SULT1C4: variants seen among roughly 807,000 people sequenced by gnomAD.
SULT1C4 encodes the protein sulfotransferase 1C4.
SULT1C4 carries 32 observed loss-of-function variants against 34.8 expected under a neutral mutation model. The observed-to-expected ratio is 0.92, with a 90% CI of 0.69 to 1.23. The LOEUF is 1.23. SULT1C4 is among the 50% of genes most tolerant of loss of function. The pLI, the probability that SULT1C4 is intolerant of heterozygous loss-of-function variation, is 0.00. For missense variants in SULT1C4, 375 were observed against 365.9 expected (o/e 1.02, Z -0.20); for synonymous variants, 111 against 120.5 (o/e 0.92, Z 0.51).
intron 5 of SULT1C4, 33 bp downstream of exon 5, chr2:108,383,543 G>C (rs1678485062): frequency 2.5e-6 from 4 of 1,585,674 alleles, no homozygotes; most frequent in Non-Finnish European, 3.4e-6. Flanking sequence ...TGTACCCACT[G>C]GACCATAAAA....
In SULT1C4 at chr2:108,382,417, C is replaced by G. The variant is rs760801583; in HGVS notation, c.328C>G (p.Arg110Gly). The change falls in exon 3 of 7, where the codon CGG becomes GGG. Residue 110 changes from arginine to glycine, a missense_variant. Arg to Gly is a moderately radical substitution (Grantham distance 125, BLOSUM62 -2). Transcript: ENST00000272452. The part of the protein sequence containing the change: ...LEQAHAMPSP[R>G]ILKTHLPFHL... ...ACAAGCTCATGCAATGCCCTCACCACGGATCCTGAAAACACATCTTCCCTT... is the reference window on the plus strand; with the variant it reads ...ACAAGCTCATGCAATGCCCTCACCAGGGATCCTGAAAACACATCTTCCCTT... 1.2e-6 allele frequency: 2 copies of G among 1,614,058 alleles called. No homozygotes were observed. Among genetic ancestry groups the G allele is most frequent in the Middle Eastern group, 1.6e-4 (1 of 6,062 alleles).
chr2:108,383,931 C>T (rs1678499573), intron 5 of SULT1C4, among the ~76,000 whole-genome samples: 1 of 151,126 alleles, frequency 6.6e-6, no homozygotes, highest in African/African-American at 2.5e-5. Flanking sequence ...TGCAATGGTG[C>T]GATCTCAAGT....
intron 5 of SULT1C4, among the ~76,000 whole-genome samples, chr2:108,384,586 A>T (rs1678520642): frequency 2.0e-5 from 3 of 152,240 alleles, no homozygotes; most frequent in Admixed American, 1.3e-4. Flanking sequence ...TTTAGATTCA[A>T]AATTATTGAA....
chr2:108,382,254 C>G, intron 2 of SULT1C4, 131 bp from the exon 3 acceptor site: 2 of 767,424 alleles, frequency 2.6e-6, no homozygotes, highest in Non-Finnish European at 4.5e-6. Context: ...CGTATTCTCT[C>G]ACACCAGATC....
At chr2:108,380,183 A>T (rs1463520902) in intron 1 of SULT1C4, among the ~76,000 whole-genome samples, 1 of 152,234 alleles carries the variant, frequency 6.6e-6, no homozygotes, top group East Asian at 1.9e-4. Flanking sequence ...AGTTTCGGCC[A>T]GATAATACAG....
In SULT1C4 at chr2:108,388,684, C is replaced by A. The variant is rs1678632246; in HGVS notation, c.*1252C>A. On this transcript the variant is annotated 3_prime_UTR_variant, in exon 7 of 7. Transcript: ENST00000272452. ...TCAAGAGCAGCTATAACCATAATGA[C>A]TCCAGCCTTCACACTTCCAGCTTCA... is the stretch of plus-strand genomic sequence containing the variant. Among the ~76,000 whole-genome samples the A allele has an allele frequency of 6.6e-6, 1 of 152,188 alleles. No individual in the cohort carries two copies. The highest frequency in any genetic ancestry group is 1.5e-5 in the Non-Finnish European group (1 of 68,034).
chr2:108,381,716 G>T (rs781421769), intron 1 of SULT1C4, 46 bp from the exon 2 acceptor site: 1 of 1,339,466 alleles, frequency 7.5e-7, no homozygotes, highest in Non-Finnish European at 9.6e-7. Flanking sequence ...TTTAAGGAAT[G>T]TACTATACTA....
Position 108,381,888 on chromosome 2 carries a change from GT to G in SULT1C4, c.295+2del. 6.7e-7 allele frequency: 1 copy of G among 1,483,340 alleles called. No homozygotes were observed. The allele number at this position is 1,483,340 out of a possible 1,614,324, so 91.9% of individuals were successfully genotyped here. A position where few individuals can be genotyped will look rare whatever the true frequency, so the allele number is the denominator to read the frequency against. ...ATGAAAATCCCATCCTTAGGATCTG[GT>G]GAGTATAAATAGCCACACTTCACTA... On this transcript the variant is annotated splice_donor_variant, in intron 2 of 6. Coordinates refer to ENST00000272452, the MANE Select transcript of SULT1C4 (RefSeq NM_006588.4). LOFTEE classifies it high-confidence loss of function.
At chr2:108,378,826 T>C (rs1678315096) in intron 1 of SULT1C4, among the ~76,000 whole-genome samples, 1 of 151,946 alleles carries the variant, frequency 6.6e-6, no homozygotes, top group Non-Finnish European at 1.5e-5. Context: ...GCCCTTATTG[T>C]AGATCTTGTA....
At position 108,378,243 on chromosome 2, in the gene SULT1C4, T is replaced by C. The variant is rs1456619194; in HGVS notation, c.-95T>C. On this transcript the variant is annotated 5_prime_UTR_variant, in exon 1 of 7. Coordinates refer to ENST00000272452, the MANE Select transcript of SULT1C4 (RefSeq NM_006588.4). ...GCTAGAGGGCTGGATAGTGTGGTAGTGTGGTGGATAGAGTGCTGCCTCTAT... is the reference window on the plus strand; with the variant it reads ...GCTAGAGGGCTGGATAGTGTGGTAGCGTGGTGGATAGAGTGCTGCCTCTAT... 1 of 1,212,614 alleles carries C rather than the reference T, an allele frequency of 8.2e-7. No homozygotes were observed. The highest frequency in any genetic ancestry group is 1.5e-5 in the African/African-American group (1 of 64,550). The allele number at this position is 1,212,614 out of a possible 1,614,324, so 75.1% of individuals were successfully genotyped here.
rs752596847 is a variant in SULT1C4 at position 108,382,433 on chromosome 2, A to G, written c.344A>G (p.His115Arg). The change falls in exon 3 of 7, where the codon CAT becomes CGT. Residue 115 changes from histidine to arginine, a missense_variant. His to Arg is a conservative substitution (Grantham distance 29). Transcript: ENST00000272452. ...AMPSPRILKT[H>R]LPFHLLPPSL... The stretch of plus-strand genomic sequence containing the variant: ...CCCTCACCACGGATCCTGAAAACAC[A>G]TCTTCCCTTTCACTTGCTGCCACCA... 6.2e-7 allele frequency: 1 copy of G among 1,614,094 alleles called. No individual in the cohort carries two copies. The highest frequency in any genetic ancestry group is 8.5e-7 in the Non-Finnish European group (1 of 1,180,006).
Position 108,382,412 on chromosome 2 carries a change from C to A in SULT1C4, c.323C>A (p.Ser108Ter). The A allele has an allele frequency of 1.2e-6, 2 of 1,614,062 alleles. No individual in the cohort carries two copies. The highest frequency in any genetic ancestry group is 1.7e-6 in the Non-Finnish European group (2 of 1,179,972). Reference sequence around the variant, plus strand: ...TTGGAACAAGCTCATGCAATGCCCTCACCACGGATCCTGAAAACACATCTT... The same window carrying A: ...TTGGAACAAGCTCATGCAATGCCCTAACCACGGATCCTGAAAACACATCTT... ...SGLEQAHAMP[S>*]PRILKTHLPF... Residue 108 changes from serine (S) to a stop codon, truncating the protein, a stop_gained, in exon 3 of 7, where the codon TCA becomes TAA. Transcript: ENST00000272452. LOFTEE classifies it high-confidence loss of function.
At position 108,383,211 on chromosome 2, in the gene SULT1C4, C is replaced by T. The variant is rs1324224743; in HGVS notation, c.512C>T (p.Ala171Val). The T allele has an allele frequency of 2.5e-6, 4 of 1,608,872 alleles. No homozygotes were observed. The highest frequency in any genetic ancestry group is 3.4e-6 in the Non-Finnish European group (4 of 1,178,890). ...TWEEYFETFL[A>V]GKVCWGSWHE... ...GAAGAGTATTTTGAGACTTTTCTGG[C>T]TGGGAAAGGTGAGAGAATTTAGCTT... is the stretch of plus-strand genomic sequence containing the variant. Residue 171 changes from alanine to valine, a missense_variant, in exon 4 of 7, where the codon GCT (alanine) becomes GTT (valine). Physicochemically the swap from Ala to Val is moderately conservative, Grantham distance 64 (BLOSUM62 0). Transcript: ENST00000272452.
At chr2:108,382,150 G>C (rs746918968) in intron 2 of SULT1C4, 100 of 570,634 alleles carry the variant, frequency 1.8e-4, no homozygotes, top group Non-Finnish European at 2.6e-4. Flanking sequence ...AGATAATCCT[G>C]GTGAAAGGGT....
At chr2:108,378,706 A>G (rs954655303) in intron 1 of SULT1C4, among the ~76,000 whole-genome samples, 200 bp downstream of exon 1, 2 of 150,126 alleles carry the variant, frequency 1.3e-5, no homozygotes, top group Non-Finnish European at 3.0e-5. Flanking sequence ...CAATCTTCCT[A>G]TGATACTATG....
rs1305324622 is a variant in SULT1C4, at chr2:108,378,526, G to T, written c.169+20G>T. 2 of 1,610,516 alleles carry T rather than the reference G, an allele frequency of 1.2e-6. No individual in the cohort carries two copies. Among genetic ancestry groups the T allele is most frequent in the African/African-American group, 2.7e-5 (2 of 74,750 alleles). The stretch of plus-strand genomic sequence containing the variant: ...AAGCAGGTAGGTGGAAGGGCTTGCA[G>T]GGGAAGGGGAAGAGGAGAGTTAGGA... On this transcript the variant is annotated intron_variant, in intron 1 of 6. Transcript: ENST00000272452.
In SULT1C4 at chr2:108,378,453, G is replaced by C; in HGVS notation, c.116G>C (p.Trp39Ser). The change falls in exon 1 of 7, where the codon TGG becomes TCG. Residue 39 changes from tryptophan to serine, a missense_variant. Trp to Ser is a radical substitution (Grantham distance 177, BLOSUM62 -3). Transcript: ENST00000272452. ...TDTCDIWDKI[W>S]NFQAKPDDLL... ...ACCTGTGACATCTGGGATAAGATCTGGAACTTCCAAGCCAAGCCTGATGAC... is the reference window on the plus strand; with the variant it reads ...ACCTGTGACATCTGGGATAAGATCTCGAACTTCCAAGCCAAGCCTGATGAC... 1 of 1,614,164 alleles carries C rather than the reference G, an allele frequency of 6.2e-7. No individual in the cohort carries two copies.
At chr2:108,380,208 G>T (rs1446964060) in intron 1 of SULT1C4, among the ~76,000 whole-genome samples, 2 of 152,224 alleles carry the variant, frequency 1.3e-5, no homozygotes, top group African/African-American at 2.4e-5. Context: ...GATCAACCTA[G>T]ATCAGGATTC....
At position 108,378,726 on chromosome 2, in the gene SULT1C4, CT is replaced by C. The variant is rs35046786; in HGVS notation, c.169+235del. ...TTCCTATGATACTATGATGTACTTC[CT>C]TTTTTTTTTTTTTTCACTTTCCCAG... On this transcript the variant is annotated intron_variant, in intron 1 of 6. Transcript: ENST00000272452. Among the ~76,000 whole-genome samples the C allele has an allele frequency of 6.0e-3, 834 of 137,858 alleles. 3 individuals carry two copies. The highest frequency in any genetic ancestry group is 0.015 in the African/African-American group (548 of 37,082). 90.4% of individuals were successfully genotyped at this position (137,858 alleles called of 152,430 possible). A position where few individuals can be genotyped will look rare whatever the true frequency, so the allele number is the denominator to read the frequency against.
Sources: allele counts gnomAD v4.1 joint callset (sites outside exome capture counted in the v4.1 genomes callset), GRCh38; gene constraint gnomAD v4.1.1; transcripts MANE v1.5; gene names NCBI Gene and HGNC (gene_info 2026-07-23, HGNC 2026-07-21).